Variants in NEK11 observed in about 807,000 individuals in gnomAD.
NEK11 encodes the protein serine/threonine-protein kinase Nek11.
In NEK11, 72 loss-of-function variants were observed where a neutral mutation model predicts 80.7. The ratio of observed to expected loss-of-function variants is 0.89; its 90% CI spans 0.74 to 1.08. The LOEUF (loss-of-function observed/expected upper bound fraction) is 1.08, where lower values mean the gene tolerates loss of function less well. Ranked by LOEUF, NEK11 falls within the 50% of genes least tolerant of loss-of-function variation. The pLI is 0.00. For synonymous variants in NEK11, 251 were observed against 260.7 expected (o/e 0.96, Z 0.36); for missense variants, 764 against 763.6 (o/e 1.00, Z -0.01).
chr3:131,233,439 G>A (rs1443394765), intron 15 of NEK11, among the ~76,000 whole-genome samples: 1 of 152,160 alleles, frequency 6.6e-6, no homozygotes, highest in African/African-American at 2.4e-5. Flanking sequence ...GCTGTCACAG[G>A]TGTATTATTT....
intron 15 of NEK11, among the ~76,000 whole-genome samples, chr3:131,235,439 T>A (rs2095414661): frequency 6.6e-6 from 1 of 152,202 alleles, no homozygotes; most frequent in African/African-American, 2.4e-5. Flanking sequence ...CCAACTGTTT[T>A]GTGATCAGAA....
intron 14 of NEK11, among the ~76,000 whole-genome samples, chr3:131,200,510 G>A (rs750524700): frequency 6.6e-6 from 1 of 152,150 alleles, no homozygotes; most frequent in African/African-American, 2.4e-5. Flanking sequence ...ATGCTTATGT[G>A]TGAAACCAGC....
At chr3:131,275,654 G>A (rs2096279527) in intron 17 of NEK11, among the ~76,000 whole-genome samples, 1 of 152,134 alleles carries the variant, frequency 6.6e-6, no homozygotes, top group Non-Finnish European at 1.5e-5. Context: ...AAGGCAAAAG[G>A]AAATCAAGGC....
intron 4 of NEK11, among the ~76,000 whole-genome samples, chr3:131,102,552 G>T (rs912441923): frequency 6.6e-6 from 1 of 152,172 alleles, no homozygotes; most frequent in Non-Finnish European, 1.5e-5. Flanking sequence ...TTTGCTGCTA[G>T]CCTGATGGGT....
intron 7 of NEK11, among the ~76,000 whole-genome samples, chr3:131,144,443 G>A (rs2087694111): frequency 6.6e-6 from 1 of 152,068 alleles, no homozygotes; most frequent in Non-Finnish European, 1.5e-5. Flanking sequence ...GTCAAATAAG[G>A]GAAAATTATT....
chr3:131,250,110 T>C (rs1398642137), intron 16 of NEK11, among the ~76,000 whole-genome samples: 2 of 152,006 alleles, frequency 1.3e-5, no homozygotes, highest in African/African-American at 4.8e-5. Context: ...AAGTTATAAT[T>C]TTAATGGCAG....
At chr3:131,215,174 C>CA (rs1200321277) in intron 14 of NEK11, among the ~76,000 whole-genome samples, 1 of 148,698 alleles carries the variant, frequency 6.7e-6, no homozygotes, top group African/African-American at 2.5e-5. Flanking sequence ...TATACAAGGA[C>CA]AAAAAACCAA....
chr3:131,100,768 G>A (rs2078249110), intron 4 of NEK11, among the ~76,000 whole-genome samples: 1 of 152,142 alleles, frequency 6.6e-6, no homozygotes, highest in Admixed American at 6.6e-5. Context: ...AGTGAATTAG[G>A]GAGGAGCCCC....
chr3:131,331,958 C>A (rs993848066), intron 17 of NEK11, among the ~76,000 whole-genome samples: 14 of 152,290 alleles, frequency 9.2e-5, no homozygotes, highest in South Asian at 2.1e-4. Context: ...ACAAAGCAGC[C>A]GGGAAGCTTG....
At chr3:131,322,237 G>A (rs1043228637) in intron 17 of NEK11, among the ~76,000 whole-genome samples, 1 of 152,128 alleles carries the variant, frequency 6.6e-6, no homozygotes, top group Non-Finnish European at 1.5e-5. Context: ...ATTATTGTAG[G>A]AACAGAAACC....
At chr3:131,335,793 C>A (rs1434802378) in intron 17 of NEK11, among the ~76,000 whole-genome samples, 1 of 152,150 alleles carries the variant, frequency 6.6e-6, no homozygotes, top group Non-Finnish European at 1.5e-5. Context: ...AATCAATGTG[C>A]AAAAATCACA....
intron 14 of NEK11, among the ~76,000 whole-genome samples, chr3:131,212,398 C>T (rs541958892): frequency 3.3e-5 from 5 of 152,292 alleles, no homozygotes; most frequent in South Asian, 4.1e-4. Flanking sequence ...ACGTGTCAGT[C>T]GGCCCCTGCT....
At chr3:131,055,414 T>TA (rs2069275844) in intron 3 of NEK11, among the ~76,000 whole-genome samples, 1 of 152,038 alleles carries the variant, frequency 6.6e-6, no homozygotes, top group Non-Finnish European at 1.5e-5. Context: ...AAATATATAA[T>TA]ATACTAAAAT....
chr3:131,061,283 A>G (rs1412471918), intron 3 of NEK11, among the ~76,000 whole-genome samples: 2 of 152,380 alleles, frequency 1.3e-5, no homozygotes, highest in African/African-American at 4.8e-5. Context: ...CTAGCAGACA[A>G]GAATCACAGG....
chr3:131,222,071 G>A (rs1351620295), intron 14 of NEK11, among the ~76,000 whole-genome samples: 1 of 151,998 alleles, frequency 6.6e-6, no homozygotes, highest in Admixed American at 6.6e-5. Context: ...TTTCTATCTC[G>A]TAAGTCAAAA....
intron 14 of NEK11, among the ~76,000 whole-genome samples, chr3:131,227,685 G>C (rs2095238320): frequency 6.6e-6 from 1 of 152,104 alleles, no homozygotes; most frequent in Admixed American, 6.6e-5. Context: ...TGCTGCAGCT[G>C]AGTATTCTAA....
At chr3:131,224,376 C>A (rs998779288) in intron 14 of NEK11, among the ~76,000 whole-genome samples, 3 of 151,974 alleles carry the variant, frequency 2.0e-5, no homozygotes, top group Non-Finnish European at 4.4e-5. Flanking sequence ...CACAGGTGTG[C>A]GCCACCACAC....
chr3:131,110,037 A>G (rs2079840732), intron 5 of NEK11, 116 bp downstream of exon 5: 1 of 976,078 alleles, frequency 1.0e-6, no homozygotes, highest in South Asian at 1.7e-5. Context: ...GTATATGGCT[A>G]AAATTAAACA....
chr3:131,320,865 CA>C (rs2096890416), intron 17 of NEK11, among the ~76,000 whole-genome samples: 1 of 151,974 alleles, frequency 6.6e-6, no homozygotes, highest in Non-Finnish European at 1.5e-5. Context: ...CAAACAAATA[CA>C]AAAACATTCC....
Sources: allele counts gnomAD v4.1 joint callset (sites outside exome capture counted in the v4.1 genomes callset), GRCh38; gene constraint gnomAD v4.1.1; transcripts MANE v1.5; gene names NCBI Gene and HGNC (gene_info 2026-07-23, HGNC 2026-07-21).